Variants in FER observed in about 807,000 individuals in gnomAD.
FER encodes the protein tyrosine-protein kinase Fer.
Under a neutral mutation model 111.0 loss-of-function variants are expected in FER, and 63 were observed. The ratio of observed to expected loss-of-function variants is 0.57; its 90% CI spans 0.46 to 0.70. FER has a LOEUF of 0.70. FER is among the 30% of genes least tolerant of loss of function. FER has a pLI of 0.00. For synonymous variants in FER, 327 were observed against 313.9 expected (o/e 1.04, Z -0.44); for missense variants, 914 against 954.0 (o/e 0.96, Z 0.55).
At chr5:109,059,711 G>C (rs1774134984) in intron 16 of FER, among the ~76,000 whole-genome samples, 1 of 152,158 alleles carries the variant, frequency 6.6e-6, no homozygotes, top group African/African-American at 2.4e-5. Context: ...GAGGAAACCA[G>C]AACATTCATA....
chr5:108,928,902 A>G (rs554212009), intron 10 of FER, among the ~76,000 whole-genome samples: 1 of 152,150 alleles, frequency 6.6e-6, no homozygotes. Flanking sequence ...ATCTGTGTCT[A>G]ATATTTTAGC....
rs992203069 is a variant in FER at position 108,832,664 on chromosome 5, G to A, written c.208-106G>A. The A allele has an allele frequency of 1.5e-5, 11 of 743,244 alleles. No individual in the cohort carries two copies. The African/African-American group carries it at 1.7e-4, about 11-fold the overall frequency. The allele number at this position is 743,244 out of a possible 1,614,324, so 46.0% of individuals were successfully genotyped here. A position where few individuals can be genotyped will look rare whatever the true frequency, so the allele number is the denominator to read the frequency against. ...CCAGAAACCTATTTTTTATATTAAT[G>A]TAATAATTTACATAAAACTAAATAT... On this transcript the variant is annotated intron_variant, in intron 3 of 19. Coordinates refer to ENST00000281092, the MANE Select transcript of FER (RefSeq NM_005246.4).
intron 5 of FER, 114 bp from the exon 6 acceptor site, chr5:108,867,652 GT>G: frequency 9.5e-7 from 1 of 1,053,966 alleles, no homozygotes; most frequent in South Asian, 1.5e-5. Context: ...AAATTTTTTT[GT>G]TTAAAAAATG....
intron 18 of FER, among the ~76,000 whole-genome samples, chr5:109,183,312 G>T (rs7706125): frequency 0.017 from 2,475 of 145,494 alleles, 78 homozygotes; most frequent in African/African-American, 0.06. Flanking sequence ...GCAGCAGCGC[G>T]ATCTAGGCTC....
chr5:108,869,466 T>C (rs904361968), intron 6 of FER, among the ~76,000 whole-genome samples: 1 of 152,056 alleles, frequency 6.6e-6, no homozygotes, highest in African/African-American at 2.4e-5. Context: ...TCTTTGCAGA[T>C]GTAATTAGTC....
At chr5:108,750,150 G>C (rs1262572076) in intron 1 of FER, among the ~76,000 whole-genome samples, 1 of 152,058 alleles carries the variant, frequency 6.6e-6, no homozygotes, top group African/African-American at 2.4e-5. Context: ...AAATTTCTCA[G>C]ATGAGGTTAC....
chr5:108,972,366 G>C lies in FER; in HGVS notation c.1656+13019G>C, dbSNP rs1410045731. On this transcript the variant is annotated intron_variant, in intron 13 of 19. Transcript: ENST00000281092. Reference sequence around the variant, plus strand: ...TTATTCTTAGTAGTCTCCTCCCTCTGTCCCTACCTGCAGCTCACATACACT... The same window carrying C: ...TTATTCTTAGTAGTCTCCTCCCTCTCTCCCTACCTGCAGCTCACATACACT... 9.9e-5 allele frequency among the ~76,000 whole-genome samples: 15 copies of C among 151,970 alleles called. No homozygotes were observed. In the South Asian group the frequency reaches 3.1e-3, roughly 32 times the overall value.
At chr5:108,993,431 C>G (rs539474563) in intron 13 of FER, among the ~76,000 whole-genome samples, 3,101 of 151,462 alleles carry the variant, frequency 0.02, 43 homozygotes, top group South Asian at 0.029. Context: ...CGCAGGCACT[C>G]GCCAGGCTGA....
chr5:108,892,728 A>G (rs1219475882), intron 9 of FER, among the ~76,000 whole-genome samples: 1 of 152,214 alleles, frequency 6.6e-6, no homozygotes, highest in East Asian at 1.9e-4. Flanking sequence ...TGTTCTAGAC[A>G]TGAAGTCCTT....
intron 13 of FER, among the ~76,000 whole-genome samples, chr5:108,962,211 C>G (rs1026210954): frequency 6.6e-6 from 1 of 152,150 alleles, no homozygotes; most frequent in Non-Finnish European, 1.5e-5. Context: ...CTGATTTTTC[C>G]TGCACTGCCT....
At chr5:109,102,569 C>G (rs533572126) in intron 17 of FER, among the ~76,000 whole-genome samples, 5 of 152,218 alleles carry the variant, frequency 3.3e-5, no homozygotes, top group African/African-American at 9.6e-5. Flanking sequence ...TGTTTTTATT[C>G]TCATAAATAC....
At chr5:108,821,816 T>A (rs1461807953) in intron 3 of FER, among the ~76,000 whole-genome samples, 1 of 152,104 alleles carries the variant, frequency 6.6e-6, no homozygotes, top group African/African-American at 2.4e-5. Flanking sequence ...GTTAATTAAC[T>A]TATCTGTCAC....
At chr5:108,845,015 TA>T (rs1761791452) in intron 5 of FER, among the ~76,000 whole-genome samples, 2 of 52,560 alleles carry the variant, frequency 3.8e-5, no homozygotes. Context: ...TATATATATA[TA>T]TATATATATA....
chr5:109,124,034 G>A (rs943894426), intron 17 of FER, among the ~76,000 whole-genome samples: 1 of 151,940 alleles, frequency 6.6e-6, no homozygotes, highest in African/African-American at 2.4e-5. Context: ...AGTCTAACCT[G>A]AGCAACATGG....
chr5:108,750,330 G>T (rs554385360), intron 1 of FER, among the ~76,000 whole-genome samples: 3 of 152,076 alleles, frequency 2.0e-5, no homozygotes, highest in African/African-American at 7.2e-5. Flanking sequence ...ATATATACCT[G>T]TGTTGCCCTT....
At chr5:108,931,952 A>G (rs1169364760) in intron 10 of FER, among the ~76,000 whole-genome samples, 1 of 151,830 alleles carries the variant, frequency 6.6e-6, no homozygotes, top group Non-Finnish European at 1.5e-5. Context: ...TCCTTCCAAT[A>G]TCTTAAATTT....
At chr5:108,899,116 G>A (rs1021326493) in intron 10 of FER, among the ~76,000 whole-genome samples, 4 of 150,328 alleles carry the variant, frequency 2.7e-5, no homozygotes, top group Non-Finnish European at 5.9e-5. Context: ...CCGTATCTGA[G>A]AATACGGTAA....
At chr5:108,752,051 C>T (rs891246430) in intron 1 of FER, among the ~76,000 whole-genome samples, 5 of 151,866 alleles carry the variant, frequency 3.3e-5, no homozygotes, top group Non-Finnish European at 7.4e-5. Context: ...ACTATTTTTC[C>T]AAATTTCATT....
At chr5:108,999,590 A>G (rs1442652560) in intron 13 of FER, among the ~76,000 whole-genome samples, 1 of 152,084 alleles carries the variant, frequency 6.6e-6, no homozygotes, top group Non-Finnish European at 1.5e-5. Context: ...AAGGGTCTGC[A>G]TGTCGTTAAT....
Sources: gnomAD v4.1 joint callset for allele counts (sites outside exome capture counted in the v4.1 genomes callset) on GRCh38, gnomAD v4.1.1 for gene constraint, MANE v1.5 for transcripts, NCBI Gene and HGNC (gene_info 2026-07-23, HGNC 2026-07-21) for gene names.